ARF1: variants seen among roughly 807,000 people sequenced by gnomAD.
ARF1 encodes ARF GTPase 1.
Under a neutral mutation model 18.0 loss-of-function variants are expected in ARF1, and 1 was observed. The ratio of observed to expected loss-of-function variants is 0.06; its 90% CI spans 0.02 to 0.26. The LOEUF is 0.26. Among genes scored for constraint, ARF1 ranks in the 10% least tolerant of loss-of-function variants. ARF1 has a pLI of 1.00. For synonymous variants in ARF1, 112 were observed against 96.3 expected, an observed-to-expected ratio of 1.16 and a Z score of -0.95; for missense variants, 73 against 247.2, an observed-to-expected ratio of 0.30 and a Z score of 4.73.
At chr1:228,086,575 C>T (rs1412355600) in intron 1 of ARF1, among the ~76,000 whole-genome samples, 3 of 151,920 alleles carry the variant, frequency 2.0e-5, no homozygotes, top group Non-Finnish European at 4.4e-5. Flanking sequence ...GGGAAATACC[C>T]GAAAGGCCTG....
intron 1 of ARF1, chr1:228,090,976 G>C (rs999206855): frequency 2.6e-5 from 4 of 152,268 alleles, no homozygotes; most frequent in African/African-American, 7.2e-5. Flanking sequence ...GGTTAGAGCT[G>C]TGCATCTGCA....
At chr1:228,093,380 A>G (rs547445170) in intron 1 of ARF1, among the ~76,000 whole-genome samples, 27 of 152,178 alleles carry the variant, frequency 1.8e-4, no homozygotes, top group African/African-American at 6.3e-4. Flanking sequence ...GAAGCAGTAA[A>G]TGATGTAGGG....
In ARF1 at chr1:228,097,317, G is replaced by T; in HGVS notation, c.149-25G>T. ...GGGCTGGGCTGGGCCAAGGTACAAG[G>T]CCTCACCCTGCATCCCGCACCCAGG... On this transcript the variant is annotated intron_variant, in intron 2 of 4. Coordinates refer to ENST00000272102, the MANE Select transcript of ARF1 (RefSeq NM_001658.4). This position sits in a 1 kb window ranked among gnomAD's most constrained non-coding sequence, Gnocchi z 8.1. The T allele has an allele frequency of 6.2e-7, 1 of 1,612,500 alleles. No homozygotes were observed. The highest frequency in any genetic ancestry group is 2.2e-5 in the East Asian group (1 of 44,868).
intron 1 of ARF1, among the ~76,000 whole-genome samples, chr1:228,084,845 G>A (rs756345674): frequency 6.6e-6 from 1 of 152,236 alleles, no homozygotes; most frequent in Non-Finnish European, 1.5e-5. Context: ...GTTCTTTTTA[G>A]ATTCTTCAAA....
At chr1:228,087,722 C>G (rs2032450203) in intron 1 of ARF1, among the ~76,000 whole-genome samples, 1 of 152,198 alleles carries the variant, frequency 6.6e-6, no homozygotes, top group Non-Finnish European at 1.5e-5. Context: ...ACATCCTTCC[C>G]TCCCTCTTGT....
chr1:228,086,050 A>G (rs991954088), intron 1 of ARF1, among the ~76,000 whole-genome samples: 1 of 152,182 alleles, frequency 6.6e-6, no homozygotes, highest in African/African-American at 2.4e-5. Context: ...ATTTTCCCAG[A>G]GTGGAGAGGG....
intron 1 of ARF1, among the ~76,000 whole-genome samples, chr1:228,094,794 A>G (rs1021863893): frequency 6.6e-6 from 1 of 152,120 alleles, no homozygotes; most frequent in Non-Finnish European, 1.5e-5. Flanking sequence ...CTGGGTATAG[A>G]ATTAAAGGGT....
chr1:228,095,565 T>C (rs915414251), intron 1 of ARF1, among the ~76,000 whole-genome samples: 8 of 152,224 alleles, frequency 5.3e-5, no homozygotes, highest in Non-Finnish European at 1.2e-4. Context: ...TGTGTTAGTA[T>C]ATTTTGTGTG....
At chr1:228,095,610 G>C (rs2032718654) in intron 1 of ARF1, among the ~76,000 whole-genome samples, 1 of 152,212 alleles carries the variant, frequency 6.6e-6, no homozygotes. Flanking sequence ...TTGTGGCCCA[G>C]GGTAGCCAAG....
chr1:228,097,500 G>A lies in ARF1; in HGVS notation c.259+48G>A, dbSNP rs760365227. On this transcript the variant is annotated intron_variant, in intron 3 of 4. Transcript: ENST00000272102. This position sits in a 1 kb window ranked among gnomAD's most constrained non-coding sequence, Gnocchi z 8.1. ...CATGGGCACTCCTGCTTCTAGAGAG[G>A]GGGGGCCAGCCCATAGATGGGGCAT... The A allele has an allele frequency of 6.2e-7, 1 of 1,613,916 alleles. No individual in the cohort carries two copies. The highest frequency in any genetic ancestry group is 1.1e-5 in the South Asian group (1 of 91,060).
chr1:228,092,246 C>G (rs2032600631), intron 1 of ARF1, among the ~76,000 whole-genome samples: 1 of 152,084 alleles, frequency 6.6e-6, no homozygotes, highest in Non-Finnish European at 1.5e-5. Context: ...CCCAAGAGTT[C>G]AAGATCAGCC....
intron 1 of ARF1, among the ~76,000 whole-genome samples, 158 bp from the exon 2 acceptor site, chr1:228,096,920 G>A (rs546982162): frequency 2.6e-4 from 40 of 152,296 alleles, no homozygotes; most frequent in African/African-American, 8.7e-4. Context: ...CCCATCCTGA[G>A]GTGGATTTGG....
intron 1 of ARF1, chr1:228,083,124 C>T (rs1325285715): frequency 5.2e-5 from 8 of 152,454 alleles, no homozygotes; most frequent in East Asian, 3.9e-4. Context: ...CTTCCCTCGC[C>T]TCTGCCTTTC....
intron 1 of ARF1, among the ~76,000 whole-genome samples, chr1:228,095,328 C>T (rs988716780): frequency 3.3e-5 from 5 of 151,814 alleles, no homozygotes; most frequent in African/African-American, 1.2e-4. Flanking sequence ...TGTGGATCTG[C>T]TGGGGCATAT....
chr1:228,089,985 G>A lies in ARF1; in HGVS notation c.-37-7093G>A, dbSNP rs1405915286. 6.6e-6 allele frequency among the ~76,000 whole-genome samples: 1 copy of A among 152,218 alleles called. No homozygotes were observed. The highest frequency in any genetic ancestry group is 1.5e-5 in the Non-Finnish European group (1 of 68,032). Reference sequence around the variant, plus strand: ...TAGCATTGTCACATCAGATAGCTCCGCTACGTGTGCGCTGACCATGCTGAG... The same window carrying A: ...TAGCATTGTCACATCAGATAGCTCCACTACGTGTGCGCTGACCATGCTGAG... On this transcript the variant is annotated intron_variant, in intron 1 of 4. Transcript: ENST00000272102. This position sits in a 1 kb window ranked among gnomAD's most constrained non-coding sequence, Gnocchi z 4.1.
chr1:228,085,737 A>G (rs1184636731), intron 1 of ARF1, among the ~76,000 whole-genome samples: 1 of 152,256 alleles, frequency 6.6e-6, no homozygotes, highest in Non-Finnish European at 1.5e-5. Flanking sequence ...TCTGTTTAGA[A>G]GGCAGACATT....
At chr1:228,093,523 G>A (rs758451401) in intron 1 of ARF1, among the ~76,000 whole-genome samples, 10 of 151,858 alleles carry the variant, frequency 6.6e-5, no homozygotes, top group South Asian at 2.1e-4. Context: ...TCTGTGTGCC[G>A]ATGTCTTGAC....
rs1456555311 is a variant in ARF1 at position 228,097,823 on chromosome 1, C to CCCTTCCCACCAACCCTT, written c.385-21_385-5dup. ...GCCCCTTTCTCTGTCCTGTGGACAG[C>CCCTTCCCACCAACCCTT]CCTTCCCACCAACCCTTCCTTCCCC... On this transcript the variant is annotated intron_variant, in intron 4 of 4. Coordinates refer to ENST00000272102, the MANE Select transcript of ARF1 (RefSeq NM_001658.4). This position sits in a 1 kb window ranked among gnomAD's most constrained non-coding sequence, Gnocchi z 8.1. 2 of 1,605,848 alleles carry CCCTTCCCACCAACCCTT rather than the reference C, an allele frequency of 1.2e-6. No homozygotes were observed.
chr1:228,097,507 C>A lies in ARF1; in HGVS notation c.259+55C>A. On this transcript the variant is annotated intron_variant, in intron 3 of 4. Transcript: ENST00000272102. This position sits in a 1 kb window ranked among gnomAD's most constrained non-coding sequence, Gnocchi z 8.1. ...ACTCCTGCTTCTAGAGAGGGGGGGC[C>A]AGCCCATAGATGGGGCATCGATGCC... 6.2e-7 allele frequency: 1 copy of A among 1,613,592 alleles called. No homozygotes were observed. Among genetic ancestry groups the A allele is most frequent in the Non-Finnish European group, 8.5e-7 (1 of 1,179,702 alleles).
Sources: allele counts gnomAD v4.1 joint callset (sites outside exome capture counted in the v4.1 genomes callset), GRCh38; gene constraint gnomAD v4.1.1; non-coding constraint Gnocchi (gnomAD v3.1); transcripts MANE v1.5; gene names NCBI Gene and HGNC (gene_info 2026-07-23, HGNC 2026-07-21).